Variants in PKD1L1 observed in about 807,000 individuals in gnomAD.
The protein encoded by PKD1L1 is polycystin-1-like protein 1.
Under a neutral mutation model 323.4 loss-of-function variants are expected in PKD1L1, and 236 were observed. That is an observed-to-expected ratio of 0.73 (90% CI 0.66 to 0.81). The LOEUF is 0.81. Among genes scored for constraint, PKD1L1 ranks in the 40% least tolerant of loss-of-function variants. PKD1L1 has a pLI of 0.00. For missense variants in PKD1L1, 3,320 were observed against 3,508.0 expected (o/e 0.95, Z 1.35); for synonymous variants, 1,344 against 1,335.0 (o/e 1.01, Z -0.15).
Position 47,843,111 on chromosome 7 carries a change from A to G in PKD1L1, c.5296T>C (p.Phe1766Leu), listed in dbSNP as rs753771423. The change falls in exon 34 of 57, where the codon TTT becomes CTT. Residue 1766 changes from phenylalanine (F) to leucine (L), a missense_variant. Transcript: ENST00000289672. ...ACTTGTCTACTTTTAGCGACCAAAAATCCATAAAGAATCACAGAACCCATA... is the reference window on the plus strand; with the variant it reads ...ACTTGTCTACTTTTAGCGACCAAAAGTCCATAAAGAATCACAGAACCCATA... ...FIMGSVILYG[F>L]LVAKSRQVDH... 6.2e-7 allele frequency: 1 copy of G among 1,613,944 alleles called. No individual in the cohort carries two copies. Among genetic ancestry groups the G allele is most frequent in the East Asian group, 2.2e-5 (1 of 44,880 alleles).
At chr7:47,842,932 T>C (rs775911248) in intron 34 of PKD1L1, 30 bp downstream of exon 34, 2 of 1,592,952 alleles carry the variant, frequency 1.3e-6, no homozygotes, top group Non-Finnish European at 8.6e-7. Flanking sequence ...TTAGACACCA[T>C]CAAAGAGTAC....
chr7:47,833,993 C>T (rs1785403310), intron 40 of PKD1L1, among the ~76,000 whole-genome samples: 1 of 152,216 alleles, frequency 6.6e-6, no homozygotes, highest in Non-Finnish European at 1.5e-5. Flanking sequence ...TCCACAGTGT[C>T]TCTCCCACGG....
intron 31 of PKD1L1, among the ~76,000 whole-genome samples, chr7:47,851,136 A>C (rs1233020720): frequency 6.6e-6 from 1 of 152,166 alleles, no homozygotes; most frequent in Non-Finnish European, 1.5e-5. Context: ...CCCCAATAGC[A>C]ATGAGCAAAT....
In PKD1L1 at chr7:47,792,790, T is replaced by C; in HGVS notation, c.8363A>G (p.Tyr2788Cys). 1.9e-6 allele frequency: 3 copies of C among 1,612,770 alleles called. No individual in the cohort carries two copies. Among genetic ancestry groups the C allele is most frequent in the Non-Finnish European group, 2.5e-6 (3 of 1,178,922 alleles). Residue 2788 changes from tyrosine (Y) to cysteine (C), a missense_variant, in exon 56 of 57, where the codon TAC becomes TGC. Physicochemically the swap from Tyr to Cys is radical, Grantham distance 194 (BLOSUM62 -2). Transcript: ENST00000289672. ...TAACAGATTTGCAAATTCATCCAAGTAGTAATTCTGAAGGGAAGAAAATTA... is the reference window on the plus strand; with the variant it reads ...TAACAGATTTGCAAATTCATCCAAGCAGTAATTCTGAAGGGAAGAAAATTA... ...EAEMVENHNY[Y>C]LDEFANLLDE...
chr7:47,844,333 T>A (rs1248633746), intron 33 of PKD1L1, among the ~76,000 whole-genome samples: 1 of 152,170 alleles, frequency 6.6e-6, no homozygotes, highest in Non-Finnish European at 1.5e-5. Context: ...ACTATATGAA[T>A]ATAAGGAGAA....
chr7:47,896,329 CAAAAAAAAAAAAAA>C (rs34061319), intron 14 of PKD1L1, among the ~76,000 whole-genome samples: 1 of 46,870 alleles, frequency 2.1e-5, no homozygotes. Flanking sequence ...GACCCTGTCT[CAAAAAAAAAAAAAA>C]AAAAAAAAAA....
In PKD1L1 at chr7:47,931,103, C is replaced by T. The variant is rs1007145713; in HGVS notation, c.737+1G>A. The stretch of plus-strand genomic sequence containing the variant: ...TGGCCTCCATACCTCCTTCACCGTA[C>T]CTTCTGGGAGAAGTGGGAAAATGTG... On this transcript the variant is annotated splice_donor_variant, in intron 6 of 56. Transcript: ENST00000289672. LOFTEE classifies it high-confidence loss of function. 1 of 1,613,460 alleles carries T rather than the reference C, an allele frequency of 6.2e-7. No homozygotes were observed. Among genetic ancestry groups the T allele is most frequent in the Non-Finnish European group, 8.5e-7 (1 of 1,179,610 alleles).
upstream of PKD1L1, among the ~76,000 whole-genome samples, chr7:47,952,779 T>A (rs534973564): frequency 1.9e-4 from 29 of 152,332 alleles, no homozygotes; most frequent in East Asian, 5.6e-3. Flanking sequence ...GGTACACTTT[T>A]AAAGCCATTG....
At chr7:47,836,804 T>C in intron 37 of PKD1L1, 117 bp downstream of exon 37, 3 of 1,277,234 alleles carry the variant, frequency 2.3e-6, no homozygotes, top group South Asian at 3.0e-5. Flanking sequence ...CCAGGCTTGC[T>C]TCCCCTGGTT....
intron 45 of PKD1L1, among the ~76,000 whole-genome samples, chr7:47,822,776 TC>T (rs1785173252): frequency 6.6e-6 from 1 of 152,196 alleles, no homozygotes; most frequent in South Asian, 2.1e-4. Context: ...AACATACAGA[TC>T]CTGCACACGT....
intron 46 of PKD1L1, chr7:47,819,556 A>G: frequency 7.3e-7 from 1 of 1,363,898 alleles, no homozygotes; most frequent in Non-Finnish European, 9.8e-7. Context: ...GAGAGCTGAA[A>G]AGTTGGTCAT....
intron 6 of PKD1L1, among the ~76,000 whole-genome samples, chr7:47,929,767 CTG>C (rs1394257601): frequency 6.6e-6 from 1 of 152,162 alleles, no homozygotes; most frequent in Non-Finnish European, 1.5e-5. Context: ...GGGTCAGAAA[CTG>C]GGGTGGGGCC....
At chr7:47,810,879 C>T (rs1262135737) in intron 50 of PKD1L1, among the ~76,000 whole-genome samples, 1 of 152,146 alleles carries the variant, frequency 6.6e-6, no homozygotes, top group Non-Finnish European at 1.5e-5. Context: ...GCCCTAACTC[C>T]TAGTGTGGAT....
At chr7:47,805,114 C>G (rs894480961) in intron 52 of PKD1L1, among the ~76,000 whole-genome samples, 3 of 145,310 alleles carry the variant, frequency 2.1e-5, no homozygotes, top group Non-Finnish European at 4.6e-5. Context: ...CACACACACA[C>G]ACACACATTC....
At chr7:47,923,194 C>A (rs1353914405) in intron 7 of PKD1L1, among the ~76,000 whole-genome samples, 2 of 152,104 alleles carry the variant, frequency 1.3e-5, no homozygotes, top group African/African-American at 4.8e-5. Flanking sequence ...ACAAACACTG[C>A]GGAAGGCGGT....
chr7:47,852,832 T>C (rs1333793616), intron 31 of PKD1L1, among the ~76,000 whole-genome samples: 1 of 151,868 alleles, frequency 6.6e-6, no homozygotes, highest in Non-Finnish European at 1.5e-5. Flanking sequence ...GGCAAAGACT[T>C]AGCCTGAGCA....
At chr7:47,881,021 T>A (rs1786543046) in intron 20 of PKD1L1, among the ~76,000 whole-genome samples, 1 of 151,938 alleles carries the variant, frequency 6.6e-6, no homozygotes, top group African/African-American at 2.4e-5. Flanking sequence ...GGATGGTCCA[T>A]CCATCCCTGG....
intron 2 of PKD1L1, among the ~76,000 whole-genome samples, chr7:47,943,159 AAAAAATAT>A (rs1289155821): frequency 8.3e-4 from 61 of 73,708 alleles, no homozygotes; most frequent in Non-Finnish European, 1.3e-3. Flanking sequence ...AAAAAAAAAA[AAAAAATAT>A]ATATATATAT....
chr7:47,957,828 C>G, the PKD1L1 span, among the ~76,000 whole-genome samples: 1 of 117,722 alleles, frequency 8.5e-6, no homozygotes, highest in Non-Finnish European at 1.9e-5. Flanking sequence ...AAAAAGAAAT[C>G]AAGAAAATCC....
Sources: allele counts gnomAD v4.1 joint callset (sites outside exome capture counted in the v4.1 genomes callset), GRCh38; gene constraint gnomAD v4.1.1; transcripts MANE v1.5; gene names NCBI Gene and HGNC (gene_info 2026-07-23, HGNC 2026-07-21).